TLK1: variants seen among roughly 807,000 people sequenced by gnomAD.
TLK1 encodes tousled like kinase 1.
TLK1 carries 24 observed loss-of-function variants against 105.3 expected under a neutral mutation model. The observed-to-expected ratio is 0.23, with a 90% CI of 0.17 to 0.32. The LOEUF (loss-of-function observed/expected upper bound fraction) is 0.32. Ranked by LOEUF, TLK1 falls within the 10% of genes least tolerant of loss-of-function variation. The pLI is 1.00. For synonymous variants in TLK1, 321 were observed against 310.4 expected (o/e 1.03, Z -0.36); for missense variants, 558 against 910.5 (o/e 0.61, Z 4.98).
chr2:171,060,958 C>T, intron 4 of TLK1, 123 bp downstream of exon 4: 2 of 892,672 alleles, frequency 2.2e-6, no homozygotes, highest in South Asian at 1.7e-5. Flanking sequence ...CACTAACTAC[C>T]TGTGCACACA....
intron 14 of TLK1, among the ~76,000 whole-genome samples, chr2:171,008,776 C>G (rs1289957674): frequency 6.6e-6 from 1 of 152,156 alleles, no homozygotes; most frequent in Non-Finnish European, 1.5e-5. Context: ...ATAGAAAGTT[C>G]AAGTCACTGG....
At chr2:171,151,837 T>C (rs1051672895) in intron 1 of TLK1, among the ~76,000 whole-genome samples, 2 of 152,122 alleles carry the variant, frequency 1.3e-5, no homozygotes, top group Non-Finnish European at 2.9e-5. Context: ...AACAGAGTAG[T>C]ATACAAAGTT....
chr2:171,055,300 T>C (rs1687449378), intron 6 of TLK1, 128 bp from the exon 7 acceptor site: 1 of 586,250 alleles, frequency 1.7e-6, no homozygotes, highest in Non-Finnish European at 2.8e-6. Context: ...AATACCTAAA[T>C]TGAAACATAA....
chr2:171,157,165 A>C (rs1692270985), intron 1 of TLK1, among the ~76,000 whole-genome samples: 1 of 152,176 alleles, frequency 6.6e-6, no homozygotes, highest in Non-Finnish European at 1.5e-5. Flanking sequence ...AATTATTTAT[A>C]ATTGGCAGGT....
chr2:171,073,897 T>C (rs1210015226), intron 3 of TLK1, among the ~76,000 whole-genome samples: 4 of 133,400 alleles, frequency 3.0e-5, no homozygotes, highest in East Asian at 5.2e-4. Context: ...TTTTTTTTTC[T>C]TTCTTTTTTT....
chr2:171,150,078 G>C (rs1045624401), intron 1 of TLK1, among the ~76,000 whole-genome samples: 1 of 152,144 alleles, frequency 6.6e-6, no homozygotes, highest in African/African-American at 2.4e-5. Flanking sequence ...CTGTGATTAA[G>C]TGCAAGGCAT....
At chr2:171,074,717 T>C (rs148485327) in intron 3 of TLK1, among the ~76,000 whole-genome samples, 1 of 148,974 alleles carries the variant, frequency 6.7e-6, no homozygotes, top group East Asian at 2.0e-4. Context: ...AGTGAGAACA[T>C]ACTAGCAGGA....
intron 2 of TLK1, among the ~76,000 whole-genome samples, chr2:171,089,054 G>C (rs962250928): frequency 1.3e-5 from 2 of 152,182 alleles, no homozygotes; most frequent in African/African-American, 2.4e-5. Flanking sequence ...GCTACTTTTT[G>C]TATTTTTGGT....
intron 2 of TLK1, among the ~76,000 whole-genome samples, chr2:171,102,873 C>G (rs752882646): frequency 6.6e-6 from 1 of 151,524 alleles, no homozygotes; most frequent in African/African-American, 2.4e-5. Flanking sequence ...GTTTCCATTA[C>G]GAGAAGGGAA....
chr2:171,013,171 C>T (rs116566986), intron 13 of TLK1, among the ~76,000 whole-genome samples: 3,040 of 151,912 alleles, frequency 0.02, 99 homozygotes, highest in African/African-American at 0.068. Context: ...CACCACAACG[C>T]TGGGCTAGTG....
At chr2:171,106,146 A>C (rs1325792706) in intron 2 of TLK1, among the ~76,000 whole-genome samples, 1 of 152,212 alleles carries the variant, frequency 6.6e-6, no homozygotes, top group African/African-American at 2.4e-5. Flanking sequence ...GAAACCAAAA[A>C]GGCTGATCTT....
At chr2:171,031,392 C>T (rs1474316061) in intron 11 of TLK1, among the ~76,000 whole-genome samples, 2 of 152,186 alleles carry the variant, frequency 1.3e-5, no homozygotes, top group African/African-American at 4.8e-5. Flanking sequence ...ATAATGTTCA[C>T]ATCAGTGGCT....
chr2:171,230,454 G>A (rs1693975204), intron 1 of TLK1, among the ~76,000 whole-genome samples: 1 of 152,128 alleles, frequency 6.6e-6, no homozygotes, highest in South Asian at 2.1e-4. Flanking sequence ...CACCCAGTTT[G>A]AAGGCCCCTA....
chr2:171,012,451 T>G (rs1004331247), intron 13 of TLK1, among the ~76,000 whole-genome samples: 11 of 152,158 alleles, frequency 7.2e-5, no homozygotes, highest in Non-Finnish European at 1.6e-4. Flanking sequence ...AAAGTCAGCT[T>G]TGCAATACTA....
chr2:171,097,544 A>T (rs1252640980), intron 2 of TLK1, among the ~76,000 whole-genome samples: 1 of 152,212 alleles, frequency 6.6e-6, no homozygotes, highest in Non-Finnish European at 1.5e-5. Context: ...CAATCTACAT[A>T]ATGGGACAAA....
intron 2 of TLK1, among the ~76,000 whole-genome samples, chr2:171,083,461 G>A (rs1688836443): frequency 1.3e-5 from 2 of 152,134 alleles, no homozygotes; most frequent in Non-Finnish European, 2.9e-5. Context: ...CATTCTGTAG[G>A]ATGATGTCTG....
At chr2:171,020,226 AATC>A (rs1193648789) in intron 12 of TLK1, among the ~76,000 whole-genome samples, 1 of 151,958 alleles carries the variant, frequency 6.6e-6, no homozygotes. Flanking sequence ...GGAAAGGTGA[AATC>A]AACAAAAGGC....
chr2:171,019,916 G>T (rs1261983392), intron 12 of TLK1, among the ~76,000 whole-genome samples: 1 of 151,982 alleles, frequency 6.6e-6, no homozygotes, highest in Non-Finnish European at 1.5e-5. Flanking sequence ...AGATAAGCCA[G>T]ACGTGGTGGT....
intron 3 of TLK1, among the ~76,000 whole-genome samples, chr2:171,077,844 T>C (rs1028595362): frequency 1.3e-5 from 2 of 152,364 alleles, no homozygotes; most frequent in East Asian, 1.9e-4. Flanking sequence ...ATACAGCTTC[T>C]GGAAATTTTC....
Sources: allele counts gnomAD v4.1 joint callset (sites outside exome capture counted in the v4.1 genomes callset), GRCh38; gene constraint gnomAD v4.1.1; transcripts MANE v1.5; gene names NCBI Gene and HGNC (gene_info 2026-07-23, HGNC 2026-07-21).